The following TRPC1 variants were observed in gnomAD, a reference collection of about 807,000 sequenced individuals.
TRPC1 encodes the protein short transient receptor potential channel 1.
A neutral mutation model predicts 88.2 loss-of-function variants in TRPC1; 42 were observed. That is an observed-to-expected ratio of 0.48 (90% confidence interval 0.37 to 0.62). The LOEUF (loss-of-function observed/expected upper bound fraction) is 0.62. TRPC1 is among the 20% of genes least tolerant of loss of function. TRPC1 has a pLI of 0.00. For missense variants in TRPC1, 699 were observed against 957.3 expected (o/e 0.73, Z 3.56); for synonymous variants, 288 against 331.8 (o/e 0.87, Z 1.43).
At chr3:142,772,788 A>G (rs926984467) in intron 4 of TRPC1, among the ~76,000 whole-genome samples, 4 of 152,076 alleles carry the variant, frequency 2.6e-5, no homozygotes, top group Non-Finnish European at 5.9e-5. Flanking sequence ...CTCCATCTCA[A>G]AAAAAAACCC....
chr3:142,724,510 CGGTGGG>C lies in TRPC1; in HGVS notation c.-47_-42del. ...CTGGGGTCGGGGTCGGGGTCGGGGC[CGGTGGG>C]GGCCCCGCCCCCGTCTCCTGGCCTG... is the stretch of plus-strand genomic sequence containing the variant. On this transcript the variant is annotated 5_prime_UTR_variant, in exon 1 of 13. Coordinates refer to ENST00000476941, the MANE Select transcript of TRPC1 (RefSeq NM_001251845.2). The surrounding 1 kb of genome is among the most constrained non-coding windows in gnomAD (Gnocchi z 5.6). 2.0e-6 allele frequency: 3 copies of C among 1,464,476 alleles called. No homozygotes were observed. The highest frequency in any genetic ancestry group is 2.7e-6 in the Non-Finnish European group (3 of 1,113,700). The allele number at this position is 1,464,476 out of a possible 1,614,324, so 90.7% of individuals were successfully genotyped here. A position where few individuals can be genotyped will look rare whatever the true frequency, so the allele number is the denominator to read the frequency against.
At chr3:142,798,279 A>G (rs1489752276) in intron 9 of TRPC1, among the ~76,000 whole-genome samples, 1 of 152,168 alleles carries the variant, frequency 6.6e-6, no homozygotes, top group African/African-American at 2.4e-5. Context: ...TAAGAAACTA[A>G]GAAAGTGGTA....
intron 3 of TRPC1, among the ~76,000 whole-genome samples, chr3:142,746,820 T>C (rs1304183247): frequency 6.6e-6 from 1 of 151,760 alleles, no homozygotes; most frequent in Admixed American, 6.6e-5. Context: ...ATAGTGCCAC[T>C]GCACTCCAGC....
Position 142,776,074 on chromosome 3 carries a change from T to G in TRPC1, c.633-1558T>G, listed in dbSNP as rs1935758284. The stretch of plus-strand genomic sequence containing the variant: ...ACCTAAATGTTCATTAATGGAGAGC[T>G]TATAGACCTCCGTCCAGTTGTATGA... On this transcript the variant is annotated intron_variant, in intron 4 of 12. Coordinates refer to ENST00000476941, the MANE Select transcript of TRPC1 (RefSeq NM_001251845.2). The surrounding 1 kb of genome is among the most constrained non-coding windows in gnomAD (Gnocchi z 4.1). 1.3e-5 allele frequency among the ~76,000 whole-genome samples: 2 copies of G among 152,242 alleles called. No homozygotes were observed. The highest frequency in any genetic ancestry group is 1.5e-5 in the Non-Finnish European group (1 of 68,034).
Position 142,748,374 on chromosome 3 carries a change from TG to T in TRPC1, c.547del (p.Val183TyrfsTer43). 6.2e-7 allele frequency: 1 copy of T among 1,614,150 alleles called. No homozygotes were observed. ...TTCTTACAATGCTCTTAAAACAGGATGTATCTCTACCCAAGCCCCATGCAGT... is the reference window on the plus strand; with the variant it reads ...TTCTTACAATGCTCTTAAAACAGGATTATCTCTACCCAAGCCCCATGCAGT... ...EILTMLLKQD[V>X]SLPKPHAVGC... is the part of the protein sequence containing the mutation. On this transcript the variant is annotated frameshift_variant, in exon 4 of 13. Coordinates refer to ENST00000476941, the MANE Select transcript of TRPC1 (RefSeq NM_001251845.2). LOFTEE classifies it high-confidence loss of function.
intron 7 of TRPC1, among the ~76,000 whole-genome samples, chr3:142,789,549 G>A (rs1198914887): frequency 6.6e-6 from 1 of 152,150 alleles, no homozygotes; most frequent in Non-Finnish European, 1.5e-5. Flanking sequence ...GTGTTTCCCA[G>A]GGGAATTATT....
At chr3:142,804,750 C>A in intron 12 of TRPC1, 120 bp downstream of exon 12, 1 of 810,080 alleles carries the variant, frequency 1.2e-6, no homozygotes, top group Non-Finnish European at 1.9e-6. Flanking sequence ...CTTTTTTTCA[C>A]TGCTATATAC....
intron 1 of TRPC1, among the ~76,000 whole-genome samples, chr3:142,730,846 C>T (rs1429382992): frequency 6.6e-6 from 1 of 152,024 alleles, no homozygotes; most frequent in Non-Finnish European, 1.5e-5. Flanking sequence ...GTTACAGAAA[C>T]TTGGTTTGAA....
At chr3:142,728,116 T>C (rs1933754360) in intron 1 of TRPC1, among the ~76,000 whole-genome samples, 1 of 152,124 alleles carries the variant, frequency 6.6e-6, no homozygotes, top group Admixed American at 6.5e-5. Flanking sequence ...AATGATTCAG[T>C]CCCTGCCAAC....
At chr3:142,799,115 T>C (rs866888649) in intron 9 of TRPC1, among the ~76,000 whole-genome samples, 3 of 152,148 alleles carry the variant, frequency 2.0e-5, no homozygotes, top group Non-Finnish European at 4.4e-5. Context: ...ATTAATAGCA[T>C]TTGGTGCTGT....
At chr3:142,805,134 AC>A (rs1235517434) in intron 12 of TRPC1, among the ~76,000 whole-genome samples, 3 of 47,360 alleles carry the variant, frequency 6.3e-5, no homozygotes, top group African/African-American at 3.2e-4. Context: ...ATATATACAC[AC>A]ACACACACAC....
intron 1 of TRPC1, among the ~76,000 whole-genome samples, chr3:142,732,288 C>T (rs1479563865): frequency 2.6e-5 from 4 of 151,856 alleles, no homozygotes; most frequent in Admixed American, 1.3e-4. Flanking sequence ...AGATAGGGGC[C>T]CTGTCTTCAG....
intron 4 of TRPC1, among the ~76,000 whole-genome samples, chr3:142,754,076 C>T (rs1405571047): frequency 3.5e-5 from 4 of 115,858 alleles, no homozygotes; most frequent in East Asian, 4.8e-4. Flanking sequence ...AGTGACAGAG[C>T]GAGACTCCGT....
chr3:142,773,387 C>T (rs1023243195), intron 4 of TRPC1, among the ~76,000 whole-genome samples: 3 of 151,868 alleles, frequency 2.0e-5, no homozygotes, highest in Non-Finnish European at 4.4e-5. Context: ...AAAAAGATTT[C>T]AAACTAGCCA....
At position 142,806,122 on chromosome 3, in the gene TRPC1, A is replaced by G. The variant is rs199844773; in HGVS notation, c.2269A>G (p.Thr757Ala). 7 of 1,613,814 alleles carry G rather than the reference A, an allele frequency of 4.3e-6. No homozygotes were observed. The highest frequency in any genetic ancestry group is 5.9e-6 in the Non-Finnish European group (7 of 1,179,880). ...GAAGATGCAAAGTACAGATCAGGCA[A>G]CTGTGGAAAATCTAAACGAACTGCG... ...RQKMQSTDQA[T>A]VENLNELRQD... The change falls in exon 13 of 13, where the codon ACT becomes GCT. Residue 757 changes from threonine to alanine, a missense_variant. Physicochemically the swap from Thr to Ala is moderately conservative, Grantham distance 58. Transcript: ENST00000476941.
intron 12 of TRPC1, 106 bp downstream of exon 12, chr3:142,804,736 C>G: frequency 9.9e-7 from 1 of 1,014,038 alleles, no homozygotes; most frequent in Non-Finnish European, 1.4e-6. Flanking sequence ...CTGTGACTGT[C>G]TGACTTTTTT....
chr3:142,725,069 C>G (rs1933618995), intron 1 of TRPC1, among the ~76,000 whole-genome samples: 1 of 152,262 alleles, frequency 6.6e-6, no homozygotes, highest in South Asian at 2.1e-4. Context: ...GGTCTTCTCT[C>G]TGGCTCGCAG....
intron 10 of TRPC1, among the ~76,000 whole-genome samples, chr3:142,802,696 A>G (rs540664708): frequency 6.6e-6 from 1 of 152,216 alleles, no homozygotes; most frequent in South Asian, 2.1e-4. Context: ...GTCAGTAGCA[A>G]CTCTCAGTCA....
chr3:142,793,907 T>C, intron 9 of TRPC1: 1 of 985,234 alleles, frequency 1.0e-6, no homozygotes, highest in Non-Finnish European at 1.2e-6. Flanking sequence ...CCAGCAACAG[T>C]GTTTCCTGAA....
Sources: gnomAD v4.1 joint callset for allele counts (sites outside exome capture counted in the v4.1 genomes callset) on GRCh38, gnomAD v4.1.1 for gene constraint, Gnocchi (gnomAD v3.1) non-coding constraint, MANE v1.5 for transcripts, NCBI Gene and HGNC (gene_info 2026-07-23, HGNC 2026-07-21) for gene names.